The following IGSF10 variants were observed in gnomAD, a reference collection of about 807,000 sequenced individuals.
IGSF10 encodes immunoglobulin superfamily member 10.
Under a neutral mutation model 128.2 loss-of-function variants are expected in IGSF10, and 126 were observed. The ratio of observed to expected loss-of-function variants is 0.98; its 90% confidence interval spans 0.85 to 1.14. The LOEUF is 1.14. IGSF10 is among the 50% of genes most tolerant of loss of function. The pLI, the probability that IGSF10 is intolerant of heterozygous loss-of-function variation, is 0.00. For synonymous variants in IGSF10, 1,185 were observed against 1,146.2 expected (o/e 1.03, Z -0.68); for missense variants, 3,295 against 3,149.8 (o/e 1.05, Z -1.10).
the IGSF10 span, among the ~76,000 whole-genome samples, chr3:151,507,077 C>T: frequency 0.35 from 52,978 of 152,058 alleles, 9,686 homozygotes; most frequent in Middle Eastern, 0.48. Flanking sequence ...GGATAGGTGG[C>T]CATGATGAAG....
the IGSF10 span, among the ~76,000 whole-genome samples, chr3:151,574,758 A>G: frequency 3.3e-5 from 5 of 152,112 alleles, no homozygotes; most frequent in African/African-American, 4.8e-5. Context: ...GCTTTGTTCC[A>G]TTGCTGGTGA....
At chr3:151,601,796 A>G in the IGSF10 span, among the ~76,000 whole-genome samples, 1 of 152,362 alleles carries the variant, frequency 6.6e-6, no homozygotes, top group South Asian at 2.1e-4. Context: ...ATTAAACGAA[A>G]TGAACTCTAA....
chr3:151,451,803 A>T (rs1721523817), intron 5 of IGSF10, among the ~76,000 whole-genome samples: 1 of 152,246 alleles, frequency 6.6e-6, no homozygotes, highest in African/African-American at 2.4e-5. Context: ...GTTGTCAAGT[A>T]TGTAAAAAAG....
At chr3:151,436,005 C>CTTTT (rs34012038), downstream of IGSF10, 1 of 152,206 alleles carries the variant, frequency 6.6e-6, no homozygotes, top group East Asian at 1.9e-4. Flanking sequence ...TTTTTAAAAC[C>CTTTT]TTTTTAATGG....
chr3:151,539,898 C>A, the IGSF10 span, among the ~76,000 whole-genome samples: 2 of 152,160 alleles, frequency 1.3e-5, no homozygotes, highest in East Asian at 3.9e-4. Context: ...GTTCATCCAT[C>A]CATTCATCTA....
chr3:151,612,362 T>A, the IGSF10 span, among the ~76,000 whole-genome samples: 2 of 152,194 alleles, frequency 1.3e-5, no homozygotes, highest in African/African-American at 4.8e-5. Context: ...ATAAAGGACG[T>A]CTCATTGTGT....
chr3:151,568,986 A>T, the IGSF10 span, among the ~76,000 whole-genome samples: 1 of 152,220 alleles, frequency 6.6e-6, no homozygotes, highest in East Asian at 1.9e-4. Flanking sequence ...ATAACGGAGG[A>T]GTATGAAGTC....
At chr3:151,455,388 C>CTGTACTATTTCT (rs1721742171) in intron 4 of IGSF10, among the ~76,000 whole-genome samples, 1 of 152,000 alleles carries the variant, frequency 6.6e-6, no homozygotes, top group Non-Finnish European at 1.5e-5. Context: ...TCTGGGGTTA[C>CTGTACTATTTCT]AGGTGTGAGC....
chr3:151,452,980 G>C (rs1206917048), intron 5 of IGSF10, among the ~76,000 whole-genome samples: 4 of 152,054 alleles, frequency 2.6e-5, no homozygotes, highest in Non-Finnish European at 5.9e-5. Flanking sequence ...GTTGTCCAGA[G>C]TTGTTAAGAG....
the IGSF10 span, among the ~76,000 whole-genome samples, chr3:151,484,364 T>C: frequency 6.6e-6 from 1 of 152,168 alleles, no homozygotes; most frequent in Non-Finnish European, 1.5e-5. Flanking sequence ...GAGGGGCAGT[T>C]GTGGGCACAG....
the IGSF10 span, among the ~76,000 whole-genome samples, chr3:151,541,867 G>A: frequency 9.9e-6 from 1 of 100,668 alleles, no homozygotes. Flanking sequence ...AGCTAAGCAT[G>A]GCCACTTTCT....
At position 151,443,539 on chromosome 3, in the gene IGSF10, C is replaced by T; in HGVS notation, c.5408G>A (p.Gly1803Glu). Residue 1803 changes from glycine (G) to glutamate (E), a missense_variant, in exon 7 of 8, where the codon GGA becomes GAA. Physicochemically the swap from Gly to Glu is moderately conservative, Grantham distance 98 (BLOSUM62 -2). Coordinates refer to ENST00000282466, the MANE Select transcript of IGSF10 (RefSeq NM_178822.5). Reference sequence around the variant, plus strand: ...ACTGAGATTGTGGAGGACCAATGTTCCGTCAACCGTCACCACAGCCTGCCT... The same window carrying T: ...ACTGAGATTGTGGAGGACCAATGTTTCGTCAACCGTCACCACAGCCTGCCT... ...GSRQAVVTVD[G>E]TLVLHNLSIY... 6.2e-7 allele frequency: 1 copy of T among 1,614,206 alleles called. No homozygotes were observed. The highest frequency in any genetic ancestry group is 8.5e-7 in the Non-Finnish European group (1 of 1,180,040).
chr3:151,532,551 G>A, the IGSF10 span, among the ~76,000 whole-genome samples: 2 of 151,888 alleles, frequency 1.3e-5, no homozygotes, highest in Non-Finnish European at 2.9e-5. Context: ...ATAATCCATC[G>A]CATAAGCAGA....
chr3:151,527,078 T>C, the IGSF10 span, among the ~76,000 whole-genome samples: 1 of 152,196 alleles, frequency 6.6e-6, no homozygotes, highest in Non-Finnish European at 1.5e-5. Flanking sequence ...AGAAAAAAAT[T>C]TTTTTCCCTA....
rs750026751 is a variant in IGSF10 at position 151,446,686 on chromosome 3, A to T, written c.3295T>A (p.Ser1099Thr). The T allele has an allele frequency of 2.7e-5, 44 of 1,613,906 alleles. No homozygotes were observed. The highest frequency in any genetic ancestry group is 6.7e-5 in the Admixed American group (4 of 59,998). Residue 1099 changes from serine (S) to threonine (T), a missense_variant, in exon 6 of 8, where the codon TCA becomes ACA. Coordinates refer to ENST00000282466, the MANE Select transcript of IGSF10 (RefSeq NM_178822.5). ...FPKADIARVP[S>T]EESTTLVQNP... ...TGGACTAGAGTTGTAGACTCTTCTG[A>T]TGGGACTCTAGCAATGTCAGCTTTG...
the IGSF10 span, among the ~76,000 whole-genome samples, chr3:151,531,977 A>G: frequency 6.6e-6 from 1 of 152,158 alleles, no homozygotes; most frequent in African/African-American, 2.4e-5. Context: ...TAAATGCAAT[A>G]AAAAATGATA....
At chr3:151,615,629 T>C in the IGSF10 span, among the ~76,000 whole-genome samples, 2 of 152,116 alleles carry the variant, frequency 1.3e-5, no homozygotes, top group East Asian at 1.9e-4. Flanking sequence ...ACGCTCTTTA[T>C]GGATCAAATA....
At chr3:151,435,831 A>ATAATTAAAT (rs76449898), downstream of IGSF10, 1 of 151,986 alleles carries the variant, frequency 6.6e-6, no homozygotes, top group Admixed American at 6.6e-5. Flanking sequence ...TTCATTATAT[A>ATAATTAAAT]TAATAGACCT....
the IGSF10 span, among the ~76,000 whole-genome samples, chr3:151,569,755 T>A: frequency 6.6e-6 from 1 of 152,174 alleles, no homozygotes; most frequent in African/African-American, 2.4e-5. Context: ...AAATTATACT[T>A]TAAGTTCTAG....
Sources: gnomAD v4.1 joint callset for allele counts (sites outside exome capture counted in the v4.1 genomes callset) on GRCh38, gnomAD v4.1.1 for gene constraint, MANE v1.5 for transcripts, NCBI Gene and HGNC (gene_info 2026-07-23, HGNC 2026-07-21) for gene names.